CTNS: variants seen among roughly 807,000 people sequenced by gnomAD.
CTNS encodes cystinosin, lysosomal cystine transporter.
Under a neutral mutation model 43.7 loss-of-function variants are expected in CTNS, and 27 were observed. The observed-to-expected ratio is 0.62, with a 90% CI of 0.46 to 0.85. CTNS has a LOEUF of 0.85. Among genes scored for constraint, CTNS ranks in the 40% least tolerant of loss-of-function variants. CTNS has a pLI of 0.00. For synonymous variants in CTNS, 187 were observed against 190.6 expected, an observed-to-expected ratio of 0.98 and a Z score of 0.16; for missense variants, 457 against 475.4, an observed-to-expected ratio of 0.96 and a Z score of 0.36.
At chr17:3,639,045 T>A (rs1020610957) in intron 2 of CTNS, among the ~76,000 whole-genome samples, 2 of 151,958 alleles carry the variant, frequency 1.3e-5, no homozygotes, top group African/African-American at 4.8e-5. Context: ...TTGAGGAGTG[T>A]GTAAGGGAGA....
chr17:3,643,871 A>T (rs926798113), intron 3 of CTNS, among the ~76,000 whole-genome samples: 7 of 151,756 alleles, frequency 4.6e-5, no homozygotes, highest in Admixed American at 1.3e-4. Context: ...CCGGCCAAAA[A>T]TTTTTTTTTA....
intron 3 of CTNS, among the ~76,000 whole-genome samples, chr17:3,646,954 G>C (rs1284900472): frequency 2.0e-5 from 3 of 152,180 alleles, no homozygotes; most frequent in Non-Finnish European, 4.4e-5. Context: ...ACCCCAAAGG[G>C]CTCCTTAGAA....
In CTNS at chr17:3,662,172, ATGG is replaced by A. The variant is rs2076287085; in HGVS notation, c.*1807_*1809del. ...CTAAAGATACAAAAATTAGCTGGGC[ATGG>A]TGGCGGGCACCTGTAATCCCAGCTA... On this transcript the variant is annotated 3_prime_UTR_variant, in exon 12 of 12. Transcript: ENST00000046640. 6.6e-6 allele frequency among the ~76,000 whole-genome samples: 1 copy of A among 152,106 alleles called. No homozygotes were observed.
rs373139380 is a variant in CTNS, at chr17:3,648,279, T to A, written c.141-568T>A. Among the ~76,000 whole-genome samples, 808 of 152,262 alleles carry A rather than the reference T, an allele frequency of 5.3e-3. 4 individuals are homozygous for A. Among genetic ancestry groups the A allele is most frequent in the Admixed American group, 8.2e-3 (125 of 15,288 alleles). Reference sequence around the variant, plus strand: ...TCTCTGCACACCCTCCCCCTGCAAATCTTACAAGTCATCTCTTACCACAAC... The same window carrying A: ...TCTCTGCACACCCTCCCCCTGCAAAACTTACAAGTCATCTCTTACCACAAC... On this transcript the variant is annotated intron_variant, in intron 4 of 11. Transcript: ENST00000046640.
At chr17:3,646,231 A>C (rs2075840327) in intron 3 of CTNS, among the ~76,000 whole-genome samples, 2 of 152,084 alleles carry the variant, frequency 1.3e-5, no homozygotes, top group South Asian at 4.1e-4. Flanking sequence ...GGAAGCACAC[A>C]AAGAGAGGCT....
intron 3 of CTNS, among the ~76,000 whole-genome samples, chr17:3,642,070 T>TGTGTGTGTGTGTGCCTGGGC (rs1314975517): frequency 6.8e-6 from 1 of 146,332 alleles, no homozygotes; most frequent in East Asian, 2.0e-4. Flanking sequence ...CGGGCGTGTG[T>TGTGTGTGTGTGTGCCTGGGC]GTGTGTGTGT....
Position 3,655,319 on chromosome 17 carries a change from A to G in CTNS, c.428A>G (p.Tyr143Cys). Residue 143 changes from tyrosine (Y) to cysteine (C), a missense_variant, in exon 7 of 12, where the codon TAC (tyrosine) becomes TGC (cysteine). Transcript: ENST00000046640. ...TTTGTGGCCTGGTCCATCTCCTTCTACCCTCAGGTGATCATGAATTGGAGG... is the reference window on the plus strand; with the variant it reads ...TTTGTGGCCTGGTCCATCTCCTTCTGCCCTCAGGTGATCATGAATTGGAGG... ...IYFVAWSISF[Y>C]PQVIMNWRRK... 1.1e-5 allele frequency: 18 copies of G among 1,613,844 alleles called. No individual in the cohort carries two copies. Among genetic ancestry groups the G allele is most frequent in the Non-Finnish European group, 1.5e-5 (18 of 1,179,974 alleles).
Position 3,640,200 on chromosome 17 carries a change from G to A in CTNS, c.-7G>A, listed in dbSNP as rs377010311. The A allele has an allele frequency of 5.3e-5, 85 of 1,613,570 alleles. No homozygotes were observed. The highest frequency in any genetic ancestry group is 2.6e-4 in the South Asian group (24 of 91,040). On this transcript the variant is annotated 5_prime_UTR_variant, in exon 3 of 12. Transcript: ENST00000046640. ...TTTTTCTTCCTAGTTCTGAGAAATC[G>A]AGAAACATGATAAGGAATTGGCTGA...
At chr17:3,650,037 A>C (rs879391732) in intron 5 of CTNS, 151 of 1,362,484 alleles carry the variant, frequency 1.1e-4, no homozygotes, top group Middle Eastern at 1.1e-3. Flanking sequence ...ACAACAACAA[A>C]AAAAAGATAA....
At chr17:3,644,071 G>A (rs1431054436) in intron 3 of CTNS, among the ~76,000 whole-genome samples, 2 of 152,094 alleles carry the variant, frequency 1.3e-5, no homozygotes, top group African/African-American at 4.8e-5. Flanking sequence ...TTTTAGACTT[G>A]GGGGGCCAGC....
At chr17:3,646,557 G>A (rs1441427401) in intron 3 of CTNS, among the ~76,000 whole-genome samples, 1 of 152,088 alleles carries the variant, frequency 6.6e-6, no homozygotes, top group Non-Finnish European at 1.5e-5. Context: ...AAAAGGCTGG[G>A]ATTACAGGCA....
chr17:3,659,503 C>G (rs775226273), intron 10 of CTNS, among the ~76,000 whole-genome samples: 5 of 152,236 alleles, frequency 3.3e-5, no homozygotes, highest in Admixed American at 1.3e-4. Flanking sequence ...ACAGCCTTGC[C>G]TGGAGGTGAG....
At chr17:3,655,942 C>T (rs543972487) in intron 7 of CTNS, 2 of 262,784 alleles carry the variant, frequency 7.6e-6, no homozygotes, top group African/African-American at 2.2e-5. Context: ...AGGTGGCATC[C>T]GTGGTGGTAG....
chr17:3,655,524 T>TTTCATCCCTTGCCCA, intron 7 of CTNS, 172 bp downstream of exon 7: 1 of 936,068 alleles, frequency 1.1e-6, no homozygotes, highest in East Asian at 2.6e-5. Context: ...CGGATTCCCG[T>TTTCATCCCTTGCCCA]GCTGGGCGTT....
intron 7 of CTNS, chr17:3,655,627 G>A (rs532863726): frequency 5.0e-4 from 226 of 454,060 alleles, no homozygotes; most frequent in African/African-American, 4.3e-3. Flanking sequence ...GGGGGAGGGA[G>A]GGCAGTCCAT....
At chr17:3,652,899 T>G (rs533570379) in intron 5 of CTNS, among the ~76,000 whole-genome samples, 1 of 152,322 alleles carries the variant, frequency 6.6e-6, no homozygotes, top group East Asian at 1.9e-4. Context: ...CTATACCATT[T>G]CAGTTGTCCT....
intron 3 of CTNS, among the ~76,000 whole-genome samples, chr17:3,644,700 G>A (rs779459879): frequency 1.2e-4 from 19 of 152,112 alleles, no homozygotes; most frequent in Non-Finnish European, 2.2e-4. Context: ...TCCTGACCTC[G>A]TGATCCACCT....
rs1018994700 is a variant in CTNS at position 3,661,743 on chromosome 17, G to T, written c.*1374G>T. Among the ~76,000 whole-genome samples the T allele has an allele frequency of 1.3e-4, 20 of 152,226 alleles. No individual in the cohort carries two copies. Among genetic ancestry groups the T allele is most frequent in the African/African-American group, 4.8e-4 (20 of 41,462 alleles). ...GGGCCAGGTCAGTCTCCCAGGCTCC[G>T]TGTCTTCACGGTTACCAGGGCACGC... On this transcript the variant is annotated 3_prime_UTR_variant, in exon 12 of 12. Transcript: ENST00000046640.
At chr17:3,638,226 GT>G (rs755987456) in intron 2 of CTNS, among the ~76,000 whole-genome samples, 4 of 149,012 alleles carry the variant, frequency 2.7e-5, no homozygotes, top group South Asian at 2.1e-4. Context: ...TATCAATCTG[GT>G]TTTTTTTTTG....
Sources: gnomAD v4.1 joint callset for allele counts (sites outside exome capture counted in the v4.1 genomes callset) on GRCh38, gnomAD v4.1.1 for gene constraint, MANE v1.5 for transcripts, NCBI Gene and HGNC (gene_info 2026-07-23, HGNC 2026-07-21) for gene names.